ADAMTS18: variants seen among roughly 807,000 people sequenced by gnomAD.
The protein encoded by ADAMTS18 is ADAM metallopeptidase with thrombospondin type 1 motif 18, also known as A disintegrin and metalloproteinase with thrombospondin motifs 18.
A neutral mutation model predicts 165.9 loss-of-function variants in ADAMTS18; 157 were observed. The observed-to-expected ratio is 0.95, with a 90% CI of 0.83 to 1.08. The LOEUF is 1.08. Ranked by LOEUF, ADAMTS18 falls within the 50% of genes least tolerant of loss-of-function variation. The pLI, the probability that ADAMTS18 is intolerant of heterozygous loss-of-function variation, is 0.00. For missense variants in ADAMTS18, 2,040 were observed against 1,534.0 expected (o/e 1.33, Z -5.51); for synonymous variants, 782 against 578.2 (o/e 1.35, Z -5.06).
chr16:77,328,766 G>C (rs1379481402), intron 12 of ADAMTS18, among the ~76,000 whole-genome samples: 1 of 152,218 alleles, frequency 6.6e-6, no homozygotes, highest in African/African-American at 2.4e-5. Flanking sequence ...AGTTAATGAA[G>C]TGAAAGAGGA....
intron 22 of ADAMTS18, among the ~76,000 whole-genome samples, chr16:77,286,321 T>C (rs1460423487): frequency 6.6e-6 from 1 of 152,152 alleles, no homozygotes; most frequent in Non-Finnish European, 1.5e-5. Flanking sequence ...CCCCTGCTAC[T>C]TTACTTTCTG....
At chr16:77,311,804 AT>A (rs1361944660) in intron 16 of ADAMTS18, among the ~76,000 whole-genome samples, 1 of 151,524 alleles carries the variant, frequency 6.6e-6, no homozygotes, top group Non-Finnish European at 1.5e-5. Flanking sequence ...ACAAGTTTCC[AT>A]TTAGATTGCT....
At chr16:77,314,337 G>A (rs535973481) in intron 16 of ADAMTS18, among the ~76,000 whole-genome samples, 11 of 152,126 alleles carry the variant, frequency 7.2e-5, no homozygotes, top group Admixed American at 3.9e-4. Context: ...ATGGCTGGGC[G>A]TGGTGCACAC....
chr16:77,313,696 A>T (rs1424841180), intron 16 of ADAMTS18, among the ~76,000 whole-genome samples: 2 of 152,116 alleles, frequency 1.3e-5, no homozygotes, highest in Non-Finnish European at 1.5e-5. Flanking sequence ...CTGTTTCCCT[A>T]TTCAGGTTCA....
chr16:77,321,262 T>TAAA, intron 14 of ADAMTS18, 60 bp from the exon 15 acceptor site: 1 of 1,605,334 alleles, frequency 6.2e-7, no homozygotes, highest in Non-Finnish European at 8.5e-7. Context: ...AGGCTGGGAA[T>TAAA]AATTAAGAGG....
At chr16:77,393,451 G>C (rs1050120448) in intron 3 of ADAMTS18, among the ~76,000 whole-genome samples, 1 of 152,186 alleles carries the variant, frequency 6.6e-6, no homozygotes, top group Non-Finnish European at 1.5e-5. Flanking sequence ...TGATCTGAAT[G>C]TTTGTATCAC....
At chr16:77,292,044 G>A (rs942686891) in intron 20 of ADAMTS18, among the ~76,000 whole-genome samples, 2 of 152,116 alleles carry the variant, frequency 1.3e-5, no homozygotes, top group African/African-American at 2.4e-5. Context: ...AGTGGCTCAG[G>A]CCTGTAATCA....
chr16:77,340,285 A>C (rs867251871), intron 11 of ADAMTS18, among the ~76,000 whole-genome samples: 1 of 152,106 alleles, frequency 6.6e-6, no homozygotes, highest in African/African-American at 2.4e-5. Context: ...AGTGATTCTC[A>C]TACCTCAGCC....
At chr16:77,396,520 C>G (rs905516365) in intron 3 of ADAMTS18, among the ~76,000 whole-genome samples, 12 of 152,132 alleles carry the variant, frequency 7.9e-5, no homozygotes, top group African/African-American at 2.9e-4. Context: ...AAACACAAGG[C>G]TGAAAAATCA....
At chr16:77,325,665 T>A (rs2056080431) in intron 13 of ADAMTS18, among the ~76,000 whole-genome samples, 1 of 143,752 alleles carries the variant, frequency 7.0e-6, no homozygotes, top group African/African-American at 2.6e-5. Context: ...AGACAAGAGG[T>A]ATCTTATAGG....
At chr16:77,305,592 C>T (rs944137606) in intron 16 of ADAMTS18, among the ~76,000 whole-genome samples, 1 of 152,214 alleles carries the variant, frequency 6.6e-6, no homozygotes, top group Non-Finnish European at 1.5e-5. Context: ...CAGGTTTTCT[C>T]ACCTGGATCA....
rs988877190 is a variant in ADAMTS18, at chr16:77,381,869, G to C, written c.496-14146C>G. The stretch of plus-strand genomic sequence containing the variant: ...TTTCACACCAAAAAGTATGAAAAAA[G>C]AAAGTCCTGTGTTTAGTGGAGACAC... On this transcript the variant is annotated intron_variant, in intron 3 of 22. Transcript: ENST00000282849. 5.9e-5 allele frequency among the ~76,000 whole-genome samples: 9 copies of C among 152,264 alleles called. No individual in the cohort carries two copies. The East Asian group carries it at 9.7e-4, about 16-fold the overall frequency.
chr16:77,301,418 G>A (rs1395950870), intron 16 of ADAMTS18, among the ~76,000 whole-genome samples: 1 of 152,232 alleles, frequency 6.6e-6, no homozygotes, highest in Non-Finnish European at 1.5e-5. Context: ...AAAAGCATCT[G>A]TCTGCCTTCT....
intron 3 of ADAMTS18, among the ~76,000 whole-genome samples, chr16:77,406,239 G>GA (rs571033991): frequency 5.9e-4 from 89 of 151,812 alleles, no homozygotes; most frequent in African/African-American, 2.1e-3. Flanking sequence ...ATTTACTGAG[G>GA]AAAAAAAGAG....
chr16:77,368,737 A>AT (rs1479869956), intron 3 of ADAMTS18, among the ~76,000 whole-genome samples: 1 of 152,114 alleles, frequency 6.6e-6, no homozygotes, highest in Non-Finnish European at 1.5e-5. Context: ...TGCTAAATCA[A>AT]TGTTTTTAAA....
intron 4 of ADAMTS18, among the ~76,000 whole-genome samples, chr16:77,364,935 A>G (rs556725241): frequency 1.2e-4 from 18 of 152,112 alleles, no homozygotes; most frequent in African/African-American, 4.3e-4. Flanking sequence ...GTGAAACCCC[A>G]TCTCTACTAA....
At chr16:77,301,626 G>C (rs1170952811) in intron 16 of ADAMTS18, among the ~76,000 whole-genome samples, 4 of 152,216 alleles carry the variant, frequency 2.6e-5, no homozygotes, top group Non-Finnish European at 5.9e-5. Flanking sequence ...CCTCGGGTGG[G>C]ATCCCACCTC....
chr16:77,383,421 G>C (rs2057060855), intron 3 of ADAMTS18, among the ~76,000 whole-genome samples: 1 of 151,908 alleles, frequency 6.6e-6, no homozygotes, highest in Non-Finnish European at 1.5e-5. Flanking sequence ...CTCCATTGCT[G>C]TTCTATAAAT....
At chr16:77,380,748 T>C (rs2057018579) in intron 3 of ADAMTS18, among the ~76,000 whole-genome samples, 1 of 152,204 alleles carries the variant, frequency 6.6e-6, no homozygotes, top group South Asian at 2.1e-4. Flanking sequence ...CTCCCTGCCT[T>C]CCTTTAACAT....
Sources: allele counts gnomAD v4.1 joint callset (sites outside exome capture counted in the v4.1 genomes callset), GRCh38; gene constraint gnomAD v4.1.1; transcripts MANE v1.5; gene names NCBI Gene and HGNC (gene_info 2026-07-23, HGNC 2026-07-21).